Variants in PARP1 observed in about 807,000 individuals in gnomAD.
PARP1 encodes the protein poly [ADP-ribose] polymerase 1.
Under a neutral mutation model 118.7 loss-of-function variants are expected in PARP1, and 44 were observed. The ratio of observed to expected loss-of-function variants is 0.37; its 90% CI spans 0.29 to 0.48. PARP1 has a LOEUF of 0.48. Ranked by LOEUF, PARP1 falls within the 20% of genes least tolerant of loss-of-function variation. The pLI is 0.99. For synonymous variants in PARP1, 492 were observed against 483.2 expected, an observed-to-expected ratio of 1.02 and a Z score of -0.24; for missense variants, 1,100 against 1,272.4, an observed-to-expected ratio of 0.86 and a Z score of 2.06.
intron 14 of PARP1, among the ~76,000 whole-genome samples, chr1:226,373,645 C>T (rs1393853987): frequency 6.6e-6 from 1 of 152,218 alleles, no homozygotes; most frequent in African/African-American, 2.4e-5. Context: ...CCCCACCCCA[C>T]TGCCAACCTT....
In PARP1 at chr1:226,366,640, C is replaced by T. The variant is rs74436057; in HGVS notation, c.2407-588G>A. On this transcript the variant is annotated intron_variant, in intron 17 of 22. Transcript: ENST00000366794. Reference sequence around the variant, plus strand: ...TCCCTGTCTTTTAATTAAAAGGCTTCAGAATTGTAAAAAGAGAATAAGAAT... The same window carrying T: ...TCCCTGTCTTTTAATTAAAAGGCTTTAGAATTGTAAAAAGAGAATAAGAAT... The T allele has an allele frequency of 6.3e-3, 984 of 156,944 alleles. 7 individuals are homozygous for T. The highest frequency in any genetic ancestry group is 0.023 in the African/African-American group (942 of 41,552). The allele number at this position is 156,944 out of a possible 1,614,324, so 9.7% of individuals were successfully genotyped here. A position where few individuals can be genotyped will look rare whatever the true frequency, so the allele number is the denominator to read the frequency against.
chr1:226,361,276 A>G lies in PARP1; in HGVS notation c.*184T>C. 1 of 661,850 alleles carries G rather than the reference A, an allele frequency of 1.5e-6. No individual in the cohort carries two copies. The highest frequency in any genetic ancestry group is 1.7e-5 in the South Asian group (1 of 58,300). The allele number at this position is 661,850 out of a possible 1,614,324, so 41.0% of individuals were successfully genotyped here. On this transcript the variant is annotated 3_prime_UTR_variant, in exon 23 of 23. Coordinates refer to ENST00000366794, the MANE Select transcript of PARP1 (RefSeq NM_001618.4). ...CAAAACAACCCCTCCCCACAGACAC[A>G]ACACAAAACAAGGGACTTGAGAAGT...
At chr1:226,367,394 A>G in intron 17 of PARP1, 86 bp downstream of exon 17, 3 of 1,510,792 alleles carry the variant, frequency 2.0e-6, no homozygotes, top group Non-Finnish European at 2.8e-6. Flanking sequence ...CAAGCTTTCC[A>G]GGAGATCCTA....
At chr1:226,404,605 C>T (rs1048697045) in intron 1 of PARP1, among the ~76,000 whole-genome samples, 1 of 152,242 alleles carries the variant, frequency 6.6e-6, no homozygotes, top group Non-Finnish European at 1.5e-5. Context: ...AATCACAGCA[C>T]AAGCTTAGAG....
chr1:226,407,732 G>GCCCA, intron 1 of PARP1, 78 bp downstream of exon 1: 1 of 1,103,000 alleles, frequency 9.1e-7, no homozygotes, highest in Non-Finnish European at 1.3e-6. Flanking sequence ...CCCTGGGCCC[G>GCCCA]CCCTCCCCCA....
intron 14 of PARP1, among the ~76,000 whole-genome samples, chr1:226,371,983 G>GA (rs764671941): frequency 8.5e-5 from 13 of 152,324 alleles, no homozygotes; most frequent in Admixed American, 5.9e-4. Flanking sequence ...CTGCCCAGTT[G>GA]AGAGAGAAAC....
intron 2 of PARP1, among the ~76,000 whole-genome samples, chr1:226,394,250 A>G (rs1383574532): frequency 6.6e-6 from 1 of 152,218 alleles, no homozygotes; most frequent in Non-Finnish European, 1.5e-5. Context: ...CTAGCTACTT[A>G]GGAAGCTAAG....
intron 2 of PARP1, among the ~76,000 whole-genome samples, chr1:226,397,436 T>C (rs992466831): frequency 2.2e-5 from 3 of 138,526 alleles, no homozygotes; most frequent in African/African-American, 8.7e-5. Flanking sequence ...TAGTCAGACA[T>C]ACCAACAGCT....
chr1:226,391,192 C>T (rs895416439), intron 3 of PARP1, among the ~76,000 whole-genome samples: 2 of 152,056 alleles, frequency 1.3e-5, no homozygotes, highest in South Asian at 2.1e-4. Context: ...AACTCCTGGA[C>T]TCAAGCAATA....
rs146412133 is a variant in PARP1, at chr1:226,397,137, G to C, written c.287-4823C>G. The stretch of plus-strand genomic sequence containing the variant: ...CAAGATCCCTTGGGCAACACAGTGA[G>C]ACTCTGTCTCTATCTTAAAAAAAAA... On this transcript the variant is annotated intron_variant, in intron 2 of 22. Coordinates refer to ENST00000366794, the MANE Select transcript of PARP1 (RefSeq NM_001618.4). Among the ~76,000 whole-genome samples, 119 of 137,940 alleles carry C rather than the reference G, an allele frequency of 8.6e-4. No homozygotes were observed. The Middle Eastern group carries it at 0.016, about 18-fold the overall frequency. The allele number at this position is 137,940 out of a possible 152,430, so 90.5% of individuals were successfully genotyped here.
intron 13 of PARP1, 121 bp downstream of exon 13, chr1:226,376,987 C>T: frequency 1.1e-6 from 1 of 902,052 alleles, no homozygotes; most frequent in East Asian, 2.4e-5. Context: ...CTATTATTCT[C>T]CTTTCAACAT....
rs759524114 is a variant in PARP1 at position 226,368,320 on chromosome 1, G to T, written c.2156C>A (p.Ala719Glu). Residue 719 changes from alanine (A) to glutamate (E), a missense_variant and splice_region_variant, in exon 16 of 23, where the codon GCG (alanine) becomes GAG (glutamate). By Grantham distance (107) the Ala-to-Glu change is moderately radical. Coordinates refer to ENST00000366794, the MANE Select transcript of PARP1 (RefSeq NM_001618.4). Reference sequence around the variant, plus strand: ...AGAGTCGCTGCTGCCCTGAGACACCGCCTGGAGAGGAGGGGACAGAAGGAA... The same window carrying T: ...AGAGTCGCTGCTGCCCTGAGACACCTCCTGGAGAGGAGGGGACAGAAGGAA... The part of the protein sequence containing the change: ...AYSILSEVQQ[A>E]VSQGSSDSQI... The T allele has an allele frequency of 8.7e-6, 14 of 1,614,050 alleles. No homozygotes were observed. The highest frequency in any genetic ancestry group is 1.2e-5 in the Non-Finnish European group (14 of 1,180,018).
chr1:226,397,277 T>G (rs1487769673), intron 2 of PARP1, among the ~76,000 whole-genome samples: 1 of 152,078 alleles, frequency 6.6e-6, no homozygotes, highest in Non-Finnish European at 1.5e-5. Context: ...GCTAAGATCA[T>G]GCCGGTACAT....
At chr1:226,372,098 G>A (rs1327015816) in intron 14 of PARP1, among the ~76,000 whole-genome samples, 1 of 152,206 alleles carries the variant, frequency 6.6e-6, no homozygotes, top group Non-Finnish European at 1.5e-5. Flanking sequence ...CCTGCCATGT[G>A]TCGTGACTGC....
At position 226,370,815 on chromosome 1, in the gene PARP1, A is replaced by G. The variant is rs1461396329; in HGVS notation, c.2071-298T>C. On this transcript the variant is annotated intron_variant, in intron 14 of 22. Transcript: ENST00000366794. Reference sequence around the variant, plus strand: ...CAGCACGTCTGGACGAAGATATAGCATAATTCCCATCCAATTCTGATGTGC... The same window carrying G: ...CAGCACGTCTGGACGAAGATATAGCGTAATTCCCATCCAATTCTGATGTGC... 1.2e-5 allele frequency: 5 copies of G among 429,342 alleles called. No homozygotes were observed. The Admixed American group carries it at 1.7e-4, about 15-fold the overall frequency. The allele number at this position is 429,342 out of a possible 1,614,324, so 26.6% of individuals were successfully genotyped here.
chr1:226,379,745 C>G, intron 10 of PARP1, 104 bp from the exon 11 acceptor site: 1 of 1,324,368 alleles, frequency 7.6e-7, no homozygotes, highest in East Asian at 2.3e-5. Context: ...CATCTGTCAA[C>G]TCGGCATCTA....
chr1:226,398,732 A>G (rs1416222260), intron 2 of PARP1, among the ~76,000 whole-genome samples: 2 of 152,260 alleles, frequency 1.3e-5, no homozygotes, highest in Non-Finnish European at 2.9e-5. Flanking sequence ...GCAAAGATGT[A>G]TAATGATACG....
Position 226,381,185 on chromosome 1 carries a change from T to C in PARP1, c.1183A>G (p.Ile395Val). 1 of 1,614,168 alleles carries C rather than the reference T, an allele frequency of 6.2e-7. No individual in the cohort carries two copies. Among genetic ancestry groups the C allele is most frequent in the South Asian group, 1.1e-5 (1 of 91,078 alleles). The change falls in exon 9 of 23, where the codon ATC (isoleucine) becomes GTC (valine). Residue 395 changes from isoleucine to valine, a missense_variant. Physicochemically the swap from Ile to Val is conservative, Grantham distance 29 (BLOSUM62 3). Transcript: ENST00000366794. ...SADKPLSNMK[I>V]LTLGKLSRNK... ...CGGGACAGCTTCCCGAGAGTCAGGA[T>C]CTTCATGTTGGATAATGGCTTATCT... is the stretch of plus-strand genomic sequence containing the variant.
chr1:226,392,205 TATCTTCTC>T lies in PARP1; in HGVS notation c.388_395del (p.Glu130ArgfsTer23). 1 of 1,606,026 alleles carries T rather than the reference TATCTTCTC, an allele frequency of 6.2e-7. No homozygotes were observed. Among genetic ancestry groups the T allele is most frequent in the Non-Finnish European group, 8.5e-7 (1 of 1,172,528 alleles). ...TGGGCCCCCAAGATCTTACCTTTTC[TATCTTCTC>T]CATACACCCCTTGCACGTACTTCTG... On this transcript the variant is annotated frameshift_variant, in exon 3 of 23. Transcript: ENST00000366794. LOFTEE classifies it high-confidence loss of function.
Sources: gnomAD v4.1 joint callset for allele counts (sites outside exome capture counted in the v4.1 genomes callset) on GRCh38, gnomAD v4.1.1 for gene constraint, MANE v1.5 for transcripts, NCBI Gene and HGNC (gene_info 2026-07-23, HGNC 2026-07-21) for gene names.